DPP10: variants seen among roughly 807,000 people sequenced by gnomAD.
DPP10 encodes the protein inactive dipeptidyl peptidase 10.
DPP10 carries 33 observed loss-of-function variants against 120.9 expected under a neutral mutation model. The observed-to-expected ratio is 0.27, with a 90% CI of 0.21 to 0.37. DPP10 has a LOEUF of 0.37. Ranked by LOEUF, DPP10 falls within the 10% of genes least tolerant of loss-of-function variation. The pLI is 1.00. For missense variants in DPP10, 816 were observed against 942.8 expected, an observed-to-expected ratio of 0.87 and a Z score of 1.76; for synonymous variants, 337 against 326.1, an observed-to-expected ratio of 1.03 and a Z score of -0.36.
intron 1 of DPP10, among the ~76,000 whole-genome samples, chr2:114,758,901 G>A (rs569437726): frequency 6.6e-6 from 1 of 152,218 alleles, no homozygotes; most frequent in South Asian, 2.1e-4. Flanking sequence ...AACCCCCTAT[G>A]CCTTTCATAT....
chr2:114,681,938 T>C (rs1014088344), intron 1 of DPP10, among the ~76,000 whole-genome samples: 8 of 152,030 alleles, frequency 5.3e-5, no homozygotes, highest in African/African-American at 1.7e-4. Context: ...TTTCCAGTGA[T>C]GGACAGTCTG....
At chr2:115,535,829 C>A (rs540067768) in intron 5 of DPP10, among the ~76,000 whole-genome samples, 5 of 152,056 alleles carry the variant, frequency 3.3e-5, no homozygotes, top group South Asian at 2.1e-4. Flanking sequence ...GGTCCTTCAC[C>A]TCCCTTGTAA....
intron 1 of DPP10, among the ~76,000 whole-genome samples, chr2:114,791,684 C>T (rs1309267446): frequency 6.6e-6 from 1 of 152,136 alleles, no homozygotes. Context: ...GCTGAATAGA[C>T]ACTGTGGCTT....
chr2:115,555,335 A>G (rs2080143609), intron 5 of DPP10, among the ~76,000 whole-genome samples: 1 of 152,126 alleles, frequency 6.6e-6, no homozygotes, highest in South Asian at 2.1e-4. Context: ...TTAATTTTAC[A>G]TGCATTGGAA....
intron 7 of DPP10, among the ~76,000 whole-genome samples, chr2:115,703,338 T>A (rs1358379290): frequency 6.6e-6 from 1 of 152,018 alleles, no homozygotes; most frequent in East Asian, 1.9e-4. Context: ...AACTGAGGTA[T>A]GTCAAGTGTA....
intron 1 of DPP10, among the ~76,000 whole-genome samples, chr2:114,885,473 C>A (rs756709072): frequency 2.6e-5 from 4 of 152,170 alleles, no homozygotes; most frequent in Admixed American, 2.0e-4. Flanking sequence ...AACTATATCA[C>A]CCTTCATGCT....
chr2:115,656,306 T>G (rs1248268970), intron 5 of DPP10, among the ~76,000 whole-genome samples: 1 of 151,640 alleles, frequency 6.6e-6, no homozygotes, highest in Non-Finnish European at 1.5e-5. Flanking sequence ...AATGGAAAAT[T>G]CAGAATAAGA....
At chr2:115,629,011 T>C (rs2085608408) in intron 5 of DPP10, among the ~76,000 whole-genome samples, 1 of 152,030 alleles carries the variant, frequency 6.6e-6, no homozygotes, top group Non-Finnish European at 1.5e-5. Context: ...TTCCCCACCC[T>C]GTGACCCAGT....
intron 1 of DPP10, among the ~76,000 whole-genome samples, chr2:114,602,680 T>C (rs1692467264): frequency 6.6e-6 from 1 of 152,046 alleles, no homozygotes; most frequent in African/African-American, 2.4e-5. Context: ...CAACTTTCAC[T>C]TTTACACACA....
At chr2:115,490,114 T>C (rs1343150955) in intron 3 of DPP10, among the ~76,000 whole-genome samples, 2 of 152,154 alleles carry the variant, frequency 1.3e-5, no homozygotes, top group Admixed American at 6.6e-5. Context: ...AGGTACACCT[T>C]CCTTGTATTT....
intron 1 of DPP10, among the ~76,000 whole-genome samples, chr2:114,554,152 C>T (rs1471650651): frequency 6.6e-6 from 1 of 152,194 alleles, no homozygotes. Flanking sequence ...ATCTCTATTT[C>T]TTTTCTCTCC....
intron 1 of DPP10, among the ~76,000 whole-genome samples, chr2:114,658,682 G>A (rs187668872): frequency 2.6e-5 from 4 of 152,146 alleles, no homozygotes; most frequent in African/African-American, 4.8e-5. Flanking sequence ...ATATGCAGAC[G>A]TTTATACCCG....
At chr2:114,469,129 TGAGA>T (rs10574247) in intron 1 of DPP10, among the ~76,000 whole-genome samples, 75,550 of 151,578 alleles carry the variant, frequency 0.5, 21,504 homozygotes, top group East Asian at 0.7. Flanking sequence ...TGATTTCACT[TGAGA>T]GAGACAAAAC....
intron 1 of DPP10, among the ~76,000 whole-genome samples, chr2:114,613,056 T>C (rs1007040278): frequency 2.0e-5 from 3 of 152,194 alleles, no homozygotes; most frequent in African/African-American, 7.2e-5. Context: ...CAGATGATCA[T>C]GACATTTATC....
chr2:115,217,288 A>G (rs1190302789), intron 1 of DPP10, among the ~76,000 whole-genome samples: 6 of 152,180 alleles, frequency 3.9e-5, no homozygotes, highest in African/African-American at 1.4e-4. Flanking sequence ...TAGCTTTCTA[A>G]TAATACTAAA....
chr2:115,591,619 G>C (rs1413079582), intron 5 of DPP10, among the ~76,000 whole-genome samples: 1 of 152,160 alleles, frequency 6.6e-6, no homozygotes, highest in Non-Finnish European at 1.5e-5. Flanking sequence ...TTTGGCTTAG[G>C]ATTGTCTTGG....
rs557895539 is a variant in DPP10 at position 115,052,674 on chromosome 2, G to A, written c.61-256565G>A. On this transcript the variant is annotated intron_variant, in intron 1 of 25. Transcript: ENST00000410059. ...GGCTAAGAAAAATGGAAAACAGGCC[G>A]GGCGTGGTGGCTCACACCTATAATC... Among the ~76,000 whole-genome samples, 91 of 152,262 alleles carry A rather than the reference G, an allele frequency of 6.0e-4. 1 individual carries two copies. Among genetic ancestry groups the A allele is most frequent in the African/African-American group, 2.1e-3 (86 of 41,576 alleles).
intron 1 of DPP10, among the ~76,000 whole-genome samples, chr2:114,639,355 TC>T (rs1223035273): frequency 6.6e-6 from 1 of 151,842 alleles, no homozygotes; most frequent in Non-Finnish European, 1.5e-5. Context: ...TTCCACTGGG[TC>T]CCTCCCATGA....
chr2:115,295,563 T>C (rs561880088), intron 1 of DPP10, among the ~76,000 whole-genome samples: 37 of 152,224 alleles, frequency 2.4e-4, no homozygotes, highest in African/African-American at 8.2e-4. Flanking sequence ...GGAATATTGA[T>C]TACTACAGTG....
Sources: allele counts gnomAD v4.1 joint callset (sites outside exome capture counted in the v4.1 genomes callset), GRCh38; gene constraint gnomAD v4.1.1; transcripts MANE v1.5; gene names NCBI Gene and HGNC (gene_info 2026-07-23, HGNC 2026-07-21).